ARHGEF4: variants seen among roughly 807,000 people sequenced by gnomAD.
ARHGEF4 encodes Rho guanine nucleotide exchange factor 4, also known as APC-stimulated guanine nucleotide exchange factor 1.
ARHGEF4 carries 119 observed loss-of-function variants against 162.0 expected under a neutral mutation model. That is an observed-to-expected ratio of 0.73 (90% CI 0.63 to 0.86). The LOEUF is 0.86. Among genes scored for constraint, ARHGEF4 ranks in the 40% least tolerant of loss-of-function variants. The probability of loss-of-function intolerance (pLI) is 0.00; values close to 1 mark genes in which losing one functional copy is unlikely to be tolerated. For synonymous variants in ARHGEF4, 1,014 were observed against 979.9 expected (o/e 1.03, Z -0.65); for missense variants, 2,488 against 2,456.0 (o/e 1.01, Z -0.28).
At chr2:130,854,838 A>C (rs1574103602) in intron 1 of ARHGEF4, among the ~76,000 whole-genome samples, 1 of 142,788 alleles carries the variant, frequency 7.0e-6, no homozygotes, top group East Asian at 2.1e-4. Context: ...TTGCTGGAGG[A>C]GTCTGACTTT....
intron 3 of ARHGEF4, among the ~76,000 whole-genome samples, chr2:130,942,306 C>T (rs527800140): frequency 2.6e-5 from 4 of 151,806 alleles, no homozygotes; most frequent in South Asian, 2.1e-4. Flanking sequence ...CCCGCCACCA[C>T]GCCCGGCTAA....
At chr2:130,953,757 C>G (rs1354264453) in intron 4 of ARHGEF4, among the ~76,000 whole-genome samples, 1 of 152,204 alleles carries the variant, frequency 6.6e-6, no homozygotes, top group Admixed American at 6.5e-5. Context: ...TGAACAGACA[C>G]TTCTCAAAAG....
intron 6 of ARHGEF4, 127 bp from the exon 7 acceptor site, chr2:131,039,889 A>G: frequency 6.3e-6 from 9 of 1,432,676 alleles, no homozygotes; most frequent in Non-Finnish European, 8.2e-6. Flanking sequence ...CTGGCCGGCC[A>G]GTCCTCAGCC....
Position 130,917,183 on chromosome 2 carries a change from A to T in ARHGEF4, c.3237A>T (p.Ala1079=). The T allele has an allele frequency of 6.5e-7, 1 of 1,550,374 alleles. No homozygotes were observed. Among genetic ancestry groups the T allele is most frequent in the Non-Finnish European group, 8.7e-7 (1 of 1,146,954 alleles). Residue 1079 remains alanine (A), a synonymous_variant, in exon 2 of 14, where the codon GCA becomes GCT. Transcript: ENST00000409359. ...CTTCCAGCTCTGCCTGCTGCCTGGC[A>T]TATGAAAACCCCGGGACGCCCTGCA... ...TLPSSSACCL[A]YENPGTPCRP... is the part of the protein sequence containing the mutation.
intron 4 of ARHGEF4, among the ~76,000 whole-genome samples, chr2:130,988,870 G>A (rs993008357): frequency 1.0e-4 from 3 of 29,250 alleles, no homozygotes; most frequent in East Asian, 1.9e-3. Flanking sequence ...GTGTGTGTGT[G>A]TGTATATATA....
intron 5 of ARHGEF4, among the ~76,000 whole-genome samples, chr2:131,028,636 G>GTTC (rs1190841627): frequency 1.3e-5 from 2 of 152,218 alleles, no homozygotes; most frequent in African/African-American, 2.4e-5. Context: ...TCCCATCTGA[G>GTTC]TTCTCCCTTT....
intron 4 of ARHGEF4, among the ~76,000 whole-genome samples, chr2:130,986,753 T>C (rs1459125554): frequency 3.3e-5 from 5 of 152,108 alleles, no homozygotes; most frequent in Non-Finnish European, 5.9e-5. Context: ...AAATAATAAT[T>C]TGGGGGAAAT....
intron 4 of ARHGEF4, among the ~76,000 whole-genome samples, chr2:130,980,569 C>G (rs1686055851): frequency 6.6e-6 from 1 of 152,088 alleles, no homozygotes; most frequent in African/African-American, 2.4e-5. Context: ...AATAAGCACA[C>G]AGCAATTTCT....
chr2:131,011,954 G>A (rs1393253755), intron 4 of ARHGEF4: 3 of 699,970 alleles, frequency 4.3e-6, no homozygotes, highest in East Asian at 5.4e-5. Flanking sequence ...GGATAATAAA[G>A]TAAAGGTAGG....
rs756281169 is a variant in ARHGEF4, at chr2:130,927,807, G to A, written c.3553-3145G>A. On this transcript the variant is annotated intron_variant, in intron 2 of 13. Coordinates refer to ENST00000409359, the MANE Select transcript of ARHGEF4 (RefSeq NM_001367493.1). The stretch of plus-strand genomic sequence containing the variant: ...CCACCATTCAGATGTCTTTGTTTTC[G>A]TATCTTTGTTTTATACATAATGTCT... Among the ~76,000 whole-genome samples the A allele has an allele frequency of 3.8e-4, 58 of 152,126 alleles. 1 individual carries two copies. Among genetic ancestry groups the A allele is most frequent in the Non-Finnish European group, 7.5e-4 (51 of 68,014 alleles).
At chr2:130,946,133 T>C (rs1275372135) in intron 3 of ARHGEF4, among the ~76,000 whole-genome samples, 1 of 152,166 alleles carries the variant, frequency 6.6e-6, no homozygotes, top group African/African-American at 2.4e-5. Flanking sequence ...ATTTCGTGAG[T>C]TGTGTTTTAA....
intron 1 of ARHGEF4, among the ~76,000 whole-genome samples, chr2:130,896,698 A>G (rs1326206667): frequency 6.6e-6 from 1 of 152,194 alleles, no homozygotes; most frequent in African/African-American, 2.4e-5. Context: ...TATTAGTAAT[A>G]TTTCAGAACC....
At chr2:130,977,999 G>A (rs1685869120) in intron 4 of ARHGEF4, among the ~76,000 whole-genome samples, 1 of 152,334 alleles carries the variant, frequency 6.6e-6, no homozygotes, top group South Asian at 2.1e-4. Flanking sequence ...ATAGGGCCTA[G>A]GGAGGGGCAA....
intron 4 of ARHGEF4, among the ~76,000 whole-genome samples, chr2:130,982,450 A>T (rs1686180795): frequency 6.6e-6 from 1 of 152,174 alleles, no homozygotes; most frequent in African/African-American, 2.4e-5. Context: ...GTGCATGAAG[A>T]TAGACACACA....
At chr2:130,903,783 G>T (rs1348809053) in intron 1 of ARHGEF4, among the ~76,000 whole-genome samples, 1 of 152,166 alleles carries the variant, frequency 6.6e-6, no homozygotes, top group Non-Finnish European at 1.5e-5. Context: ...GGAATATTCA[G>T]TTTTCTGTTT....
chr2:131,012,554 C>T (rs1688523088), intron 4 of ARHGEF4, among the ~76,000 whole-genome samples: 1 of 106,382 alleles, frequency 9.4e-6, no homozygotes, highest in African/African-American at 3.3e-5. Flanking sequence ...GCATTTTTGC[C>T]AGGACTTTTG....
At chr2:130,972,569 A>C (rs1312807350) in intron 4 of ARHGEF4, among the ~76,000 whole-genome samples, 8 of 152,220 alleles carry the variant, frequency 5.3e-5, no homozygotes, top group Non-Finnish European at 1.2e-4. Flanking sequence ...ACATAACATC[A>C]TCAGAAGCCT....
chr2:130,900,743 C>T (rs559035904), intron 1 of ARHGEF4, among the ~76,000 whole-genome samples: 3 of 152,144 alleles, frequency 2.0e-5, no homozygotes, highest in East Asian at 3.9e-4. Context: ...CTGGTTGTGA[C>T]GAGTGATTTT....
chr2:130,915,978 C>G lies in ARHGEF4; in HGVS notation c.2032C>G (p.Pro678Ala), dbSNP rs1192844028. Residue 678 changes from proline to alanine, a missense_variant, in exon 2 of 14, where the codon CCC (proline) becomes GCC (alanine). Physicochemically the swap from Pro to Ala is conservative, Grantham distance 27 (BLOSUM62 -1). Coordinates refer to ENST00000409359, the MANE Select transcript of ARHGEF4 (RefSeq NM_001367493.1). ...LSTGETPCES[P>A]TRGKTPAGNE... is the part of the protein sequence containing the mutation. The stretch of plus-strand genomic sequence containing the variant: ...CACTGGCGAGACCCCCTGTGAGTCT[C>G]CCACTAGGGGGAAAACACCAGCCGG... 1 of 1,550,430 alleles carries G rather than the reference C, an allele frequency of 6.4e-7. No individual in the cohort carries two copies. The highest frequency in any genetic ancestry group is 8.7e-7 in the Non-Finnish European group (1 of 1,146,986).
Sources: allele counts gnomAD v4.1 joint callset (sites outside exome capture counted in the v4.1 genomes callset), GRCh38; gene constraint gnomAD v4.1.1; transcripts MANE v1.5; gene names NCBI Gene and HGNC (gene_info 2026-07-23, HGNC 2026-07-21).